The following PALS2 variants were observed in gnomAD, a reference collection of about 807,000 sequenced individuals.
PALS2 encodes protein associated with LIN7 2, MAGUK p55 family member.
In PALS2, 27 loss-of-function variants were observed where a neutral mutation model predicts 61.6. That is an observed-to-expected ratio of 0.44 (90% CI 0.32 to 0.60). The LOEUF is 0.60. Among genes scored for constraint, PALS2 ranks in the 20% least tolerant of loss-of-function variants. The pLI is 0.05. For synonymous variants in PALS2, 236 were observed against 218.6 expected (o/e 1.08, Z -0.70); for missense variants, 554 against 639.4 (o/e 0.87, Z 1.44).
In PALS2 at chr7:24,687,854, A is replaced by G. The variant is rs1187776170; in HGVS notation, c.*240A>G. ...TTGTATGGATAATCTTTCTATTCATATCACATAAAGAAATGCGTTGAAGCA... is the reference window on the plus strand; with the variant it reads ...TTGTATGGATAATCTTTCTATTCATGTCACATAAAGAAATGCGTTGAAGCA... On this transcript the variant is annotated 3_prime_UTR_variant, in exon 12 of 12. Coordinates refer to ENST00000222644, the MANE Select transcript of PALS2 (RefSeq NM_001303037.2). The surrounding 1 kb of genome is among the most constrained non-coding windows in gnomAD (Gnocchi z 4.5). 2 of 333,172 alleles carry G rather than the reference A, an allele frequency of 6.0e-6. No homozygotes were observed. The highest frequency in any genetic ancestry group is 4.3e-5 in the African/African-American group (2 of 46,976). 20.6% of individuals were successfully genotyped at this position (333,172 alleles called of 1,614,324 possible).
chr7:24,637,477 A>G (rs1238531379), intron 2 of PALS2, among the ~76,000 whole-genome samples: 1 of 152,048 alleles, frequency 6.6e-6, no homozygotes, highest in African/African-American at 2.4e-5. Flanking sequence ...TCTCTAGAAT[A>G]AAAGAAGAGG....
At chr7:24,630,743 C>A (rs1417685858) in intron 2 of PALS2, among the ~76,000 whole-genome samples, 1 of 152,182 alleles carries the variant, frequency 6.6e-6, no homozygotes, top group African/African-American at 2.4e-5. Context: ...CTCTGAAGAT[C>A]CTAGAGCCCT....
At chr7:24,671,059 G>A (rs1366536173) in intron 9 of PALS2, among the ~76,000 whole-genome samples, 2 of 152,122 alleles carry the variant, frequency 1.3e-5, no homozygotes, top group Non-Finnish European at 2.9e-5. Context: ...GAATTTGTAG[G>A]TTATATGATG....
rs910039107 is a variant in PALS2 at position 24,590,116 on chromosome 7, T to C, written c.-3+16523T>C. 2.8e-4 allele frequency among the ~76,000 whole-genome samples: 42 copies of C among 152,188 alleles called. 1 individual carries two copies. The highest frequency in any genetic ancestry group is 1.5e-5 in the Non-Finnish European group (1 of 68,034). On this transcript the variant is annotated intron_variant, in intron 1 of 11. Transcript: ENST00000222644. ...AATTTCACACAGTAAGTATTGACTC[T>C]AGTATAAAAGAATATTTAAGTGCGC...
intron 9 of PALS2, among the ~76,000 whole-genome samples, chr7:24,671,047 T>A (rs1050321320): frequency 6.6e-6 from 1 of 152,166 alleles, no homozygotes; most frequent in Non-Finnish European, 1.5e-5. Flanking sequence ...TACCTTGGAA[T>A]GGAATTTGTA....
intron 3 of PALS2, among the ~76,000 whole-genome samples, chr7:24,645,611 G>A (rs531541383): frequency 9.9e-5 from 15 of 152,030 alleles, no homozygotes; most frequent in African/African-American, 2.4e-4. Flanking sequence ...CCCTTTTTTG[G>A]TTCCATATGA....
intron 1 of PALS2, among the ~76,000 whole-genome samples, chr7:24,578,288 C>T (rs1388703941): frequency 6.6e-6 from 1 of 152,154 alleles, no homozygotes; most frequent in Non-Finnish European, 1.5e-5. Flanking sequence ...ATTTCAAGGA[C>T]TTAGACCTGT....
Position 24,582,995 on chromosome 7 carries a change from A to G in PALS2, c.-3+9402A>G, listed in dbSNP as rs1782905750. Reference sequence around the variant, plus strand: ...CTGCAACCTCTGCCTCCCGGATTCAAGTGATTCTCCTGCCTCAGCTTCCTG... The same window carrying G: ...CTGCAACCTCTGCCTCCCGGATTCAGGTGATTCTCCTGCCTCAGCTTCCTG... On this transcript the variant is annotated intron_variant, in intron 1 of 11. Transcript: ENST00000222644. Among the ~76,000 whole-genome samples the G allele has an allele frequency of 2.0e-5, 3 of 147,932 alleles. No individual in the cohort carries two copies. The South Asian group carries it at 6.4e-4, about 32-fold the overall frequency.
intron 4 of PALS2, among the ~76,000 whole-genome samples, chr7:24,650,157 G>A (rs1245084136): frequency 6.6e-6 from 1 of 152,060 alleles, no homozygotes; most frequent in East Asian, 1.9e-4. Flanking sequence ...CTATTCCTTG[G>A]TAAAATTATT....
chr7:24,682,647 TC>T, intron 11 of PALS2, among the ~76,000 whole-genome samples: 1 of 152,352 alleles, frequency 6.6e-6, no homozygotes, highest in Middle Eastern at 3.4e-3. Context: ...ATACATTTTG[TC>T]CATAAATTAA....
At chr7:24,650,765 C>T in intron 5 of PALS2, 53 bp downstream of exon 5, 2 of 1,222,846 alleles carry the variant, frequency 1.6e-6, no homozygotes, top group Middle Eastern at 4.4e-4. Flanking sequence ...TTTTTAATCA[C>T]AGTGTTGGAA....
rs538955071 is a variant in PALS2, at chr7:24,680,236, A to G, written c.1318-156A>G. ...AAATGGATCACTGTTTTAAGAAAGT[A>G]CTATATGGAATGAGAAGGACAGAAC... On this transcript the variant is annotated intron_variant, in intron 10 of 11. Coordinates refer to ENST00000222644, the MANE Select transcript of PALS2 (RefSeq NM_001303037.2). Among the ~76,000 whole-genome samples the G allele has an allele frequency of 5.9e-5, 9 of 152,362 alleles. No individual in the cohort carries two copies. The South Asian group carries it at 1.9e-3, about 32-fold the overall frequency.
In PALS2 at chr7:24,667,707, C is replaced by T. The variant is rs576237549; in HGVS notation, c.953-792C>T. On this transcript the variant is annotated intron_variant, in intron 8 of 11. Transcript: ENST00000222644. ...TTGAGACGGAGTCTTGCTCTGTCAC[C>T]AGGCTGGAGTGCAGTGGCGCAATCT... 3.6e-5 allele frequency among the ~76,000 whole-genome samples: 5 copies of T among 140,436 alleles called. No homozygotes were observed. The South Asian group carries it at 9.1e-4, about 26-fold the overall frequency. The allele number at this position is 140,436 out of a possible 152,430, so 92.1% of individuals were successfully genotyped here.
chr7:24,665,949 TA>T, intron 7 of PALS2, 71 bp from the exon 8 acceptor site: 1 of 1,422,178 alleles, frequency 7.0e-7, no homozygotes. Context: ...CCCACCCCTG[TA>T]AAATACTATA....
rs555777861 is a variant in PALS2, at chr7:24,611,830, G to A, written c.-2-11836G>A. ...AATACTGGTATGTTTAAAGCTGTGG[G>A]AGTGGTGCAAATTGAATCTAGCAAT... On this transcript the variant is annotated intron_variant, in intron 1 of 11. Coordinates refer to ENST00000222644, the MANE Select transcript of PALS2 (RefSeq NM_001303037.2). 3.9e-5 allele frequency among the ~76,000 whole-genome samples: 6 copies of A among 152,026 alleles called. No homozygotes were observed. The South Asian group carries it at 1.2e-3, about 32-fold the overall frequency.
In PALS2 at chr7:24,652,749, G is replaced by C. The variant is rs1056649319; in HGVS notation, c.651+2037G>C. On this transcript the variant is annotated intron_variant, in intron 5 of 11. Transcript: ENST00000222644. Reference sequence around the variant, plus strand: ...TTCACTAAAATCTCCACCATGTAGTGCTGTGGAGCTAGTCTCAGCTCTGGA... The same window carrying C: ...TTCACTAAAATCTCCACCATGTAGTCCTGTGGAGCTAGTCTCAGCTCTGGA... Among the ~76,000 whole-genome samples, 7 of 152,282 alleles carry C rather than the reference G, an allele frequency of 4.6e-5. No homozygotes were observed. The South Asian group carries it at 6.2e-4, about 14-fold the overall frequency.
At position 24,687,302 on chromosome 7, in the gene PALS2, G is replaced by A. The variant is rs1177460223; in HGVS notation, c.1447-136G>A. On this transcript the variant is annotated intron_variant, in intron 11 of 11. Coordinates refer to ENST00000222644, the MANE Select transcript of PALS2 (RefSeq NM_001303037.2). This position sits in a 1 kb window ranked among gnomAD's most constrained non-coding sequence, Gnocchi z 4.5. ...GGCAGTGTTGTCTTTAACACTATAT[G>A]GATTAGATTTTGAAGATTAATACCA... 1.5e-6 allele frequency: 1 copy of A among 652,350 alleles called. No individual in the cohort carries two copies. Among genetic ancestry groups the A allele is most frequent in the Admixed American group, 3.3e-5 (1 of 30,566 alleles). The allele number at this position is 652,350 out of a possible 1,614,324, so 40.4% of individuals were successfully genotyped here.
chr7:24,651,183 TATTTTAA>T (rs1786134164), intron 5 of PALS2, among the ~76,000 whole-genome samples: 1 of 152,218 alleles, frequency 6.6e-6, no homozygotes, highest in Non-Finnish European at 1.5e-5. Context: ...ATTTGATCTG[TATTTTAA>T]AACTAATTTT....
intron 1 of PALS2, among the ~76,000 whole-genome samples, chr7:24,594,348 A>G (rs1160047763): frequency 6.6e-6 from 1 of 152,028 alleles, no homozygotes; most frequent in Non-Finnish European, 1.5e-5. Context: ...TTATTCCTGT[A>G]TTCACTGGAA....
Sources: gnomAD v4.1 joint callset for allele counts (sites outside exome capture counted in the v4.1 genomes callset) on GRCh38, gnomAD v4.1.1 for gene constraint, Gnocchi (gnomAD v3.1) non-coding constraint, MANE v1.5 for transcripts, NCBI Gene and HGNC (gene_info 2026-07-23, HGNC 2026-07-21) for gene names.